Variants in EPHA6 observed in about 807,000 individuals in gnomAD.
EPHA6 encodes EPH receptor A6.
In EPHA6, 50 loss-of-function variants were observed where a neutral mutation model predicts 112.0. That is an observed-to-expected ratio of 0.45 (90% CI 0.36 to 0.56). The LOEUF is 0.56. EPHA6 is among the 20% of genes least tolerant of loss of function. The pLI, the probability that EPHA6 is intolerant of heterozygous loss-of-function variation, is 0.00. For missense variants in EPHA6, 1,280 were observed against 1,417.4 expected, an observed-to-expected ratio of 0.90 and a Z score of 1.56; for synonymous variants, 529 against 490.7, an observed-to-expected ratio of 1.08 and a Z score of -1.03.
At chr3:96,899,237 C>T (rs1051365851) in intron 2 of EPHA6, among the ~76,000 whole-genome samples, 1 of 152,128 alleles carries the variant, frequency 6.6e-6, no homozygotes, top group Non-Finnish European at 1.5e-5. Flanking sequence ...ACTCTACCTT[C>T]TGCCTCCATC....
chr3:97,532,022 C>T (rs995286846), intron 10 of EPHA6, among the ~76,000 whole-genome samples: 3 of 152,048 alleles, frequency 2.0e-5, no homozygotes, highest in Admixed American at 6.6e-5. Flanking sequence ...GCATTGAGAA[C>T]AGGAACAGAA....
intron 3 of EPHA6, among the ~76,000 whole-genome samples, chr3:97,217,114 A>G (rs1038856486): frequency 3.3e-4 from 50 of 152,192 alleles, no homozygotes; most frequent in Admixed American, 3.9e-4. Flanking sequence ...CACAGGAGAA[A>G]GGACCCTGAT....
In EPHA6 at chr3:97,577,784, C is replaced by A. The variant is rs982050098; in HGVS notation, c.2387-14828C>A. On this transcript the variant is annotated intron_variant, in intron 11 of 17. Transcript: ENST00000389672. ...ATATAAATATCACTCTTAATCTTAT[C>A]TTTTCCGGTTTTTTGTTTTTGTTTT... 3.3e-5 allele frequency among the ~76,000 whole-genome samples: 5 copies of A among 152,156 alleles called. No homozygotes were observed. In the East Asian group the frequency reaches 7.7e-4, roughly 23 times the overall value.
intron 2 of EPHA6, among the ~76,000 whole-genome samples, chr3:96,887,014 T>C (rs149602998): frequency 2.2e-3 from 338 of 152,286 alleles, no homozygotes; most frequent in Non-Finnish European, 3.0e-3. Context: ...TTTCATTGCA[T>C]TGGGGTTCGC....
intron 9 of EPHA6, among the ~76,000 whole-genome samples, chr3:97,482,209 A>G (rs942720793): frequency 6.6e-6 from 1 of 152,212 alleles, no homozygotes; most frequent in Non-Finnish European, 1.5e-5. Flanking sequence ...GAATAGTTTA[A>G]TAGTTAAAAC....
At chr3:97,222,638 A>C (rs901613366) in intron 3 of EPHA6, among the ~76,000 whole-genome samples, 1 of 152,228 alleles carries the variant, frequency 6.6e-6, no homozygotes, top group East Asian at 1.9e-4. Context: ...ATAACACATT[A>C]AGCAGAAAAC....
rs193007382 is a variant in EPHA6, at chr3:97,676,863, C to T, written c.2784+38781C>T. 1.6e-3 allele frequency among the ~76,000 whole-genome samples: 241 copies of T among 152,036 alleles called. 1 individual carries two copies. The highest frequency in any genetic ancestry group is 1.3e-3 in the Non-Finnish European group (85 of 67,974). ...TGTTGGAGATGTAATCAGCTAAAAT[C>T]GAGGATGAAGAAGGAGAGGTTTGCA... On this transcript the variant is annotated intron_variant, in intron 14 of 17. Transcript: ENST00000389672.
intron 6 of EPHA6, among the ~76,000 whole-genome samples, chr3:97,421,138 T>A (rs144194753): frequency 0.014 from 2,099 of 152,138 alleles, 19 homozygotes; most frequent in Non-Finnish European, 0.021. Context: ...TACATAAAAA[T>A]GTCCATTATC....
chr3:96,864,317 C>G (rs1199952916), intron 1 of EPHA6, among the ~76,000 whole-genome samples: 1 of 151,968 alleles, frequency 6.6e-6, no homozygotes, highest in Non-Finnish European at 1.5e-5. Flanking sequence ...CTGGAAATAG[C>G]CCAGATGTCC....
intron 1 of EPHA6, among the ~76,000 whole-genome samples, chr3:96,830,313 A>C (rs1576080057): frequency 1.3e-5 from 2 of 152,014 alleles, no homozygotes; most frequent in African/African-American, 4.8e-5. Flanking sequence ...CTTTCTCACT[A>C]ATGCGCATAT....
At chr3:97,102,960 A>G (rs1409592011) in intron 3 of EPHA6, among the ~76,000 whole-genome samples, 4 of 151,880 alleles carry the variant, frequency 2.6e-5, no homozygotes, top group Non-Finnish European at 4.4e-5. Context: ...TATGTCCTTT[A>G]CCTAATTTTT....
chr3:97,408,763 C>T (rs904288971), intron 6 of EPHA6, among the ~76,000 whole-genome samples: 21 of 151,756 alleles, frequency 1.4e-4, no homozygotes, highest in African/African-American at 4.6e-4. Context: ...CCCCTGATCA[C>T]CTAATCACCT....
intron 2 of EPHA6, among the ~76,000 whole-genome samples, chr3:96,985,216 C>T (rs759631373): frequency 1.8e-4 from 27 of 152,058 alleles, no homozygotes; most frequent in Non-Finnish European, 3.5e-4. Context: ...TAATTCTTTA[C>T]TCCTATATGG....
intron 11 of EPHA6, among the ~76,000 whole-genome samples, chr3:97,554,899 A>G (rs1020539043): frequency 6.6e-6 from 1 of 151,890 alleles, no homozygotes; most frequent in African/African-American, 2.4e-5. Flanking sequence ...TCCAGAGATA[A>G]CAAAGGGCTC....
At chr3:97,538,465 G>A (rs997104509) in intron 11 of EPHA6, among the ~76,000 whole-genome samples, 1 of 152,166 alleles carries the variant, frequency 6.6e-6, no homozygotes, top group African/African-American at 2.4e-5. Flanking sequence ...GTGACATTTA[G>A]TTAAAGACTT....
chr3:97,393,443 CAAAGAGAAATTAA>C (rs2086530265), intron 5 of EPHA6, among the ~76,000 whole-genome samples: 2 of 151,856 alleles, frequency 1.3e-5, no homozygotes, highest in South Asian at 4.2e-4. Context: ...TAAGACTTAT[CAAAGAGAAATTAA>C]AAAGACACAG....
At chr3:97,410,893 G>T (rs1199597837) in intron 6 of EPHA6, among the ~76,000 whole-genome samples, 3 of 151,912 alleles carry the variant, frequency 2.0e-5, no homozygotes, top group Admixed American at 2.0e-4. Context: ...CTCTATAACT[G>T]GCTAGCATCT....
At chr3:97,017,078 C>T (rs529417279) in intron 3 of EPHA6, among the ~76,000 whole-genome samples, 2 of 152,260 alleles carry the variant, frequency 1.3e-5, no homozygotes, top group South Asian at 4.2e-4. Context: ...CCAATCATCC[C>T]ACTACCACAA....
chr3:97,011,239 G>T (rs1285381848), intron 3 of EPHA6, among the ~76,000 whole-genome samples: 1 of 152,188 alleles, frequency 6.6e-6, no homozygotes, highest in East Asian at 1.9e-4. Flanking sequence ...ACAGGAGTGT[G>T]CATGGTGCAG....
Sources: gnomAD v4.1 joint callset for allele counts (sites outside exome capture counted in the v4.1 genomes callset) on GRCh38, gnomAD v4.1.1 for gene constraint, MANE v1.5 for transcripts, NCBI Gene and HGNC (gene_info 2026-07-23, HGNC 2026-07-21) for gene names.